Variants in CSNK1G1 observed in about 807,000 individuals in gnomAD.
CSNK1G1 encodes casein kinase 1 gamma 1, also known as casein kinase I isoform gamma-1.
CSNK1G1 carries 22 observed loss-of-function variants against 59.6 expected under a neutral mutation model. The ratio of observed to expected loss-of-function variants is 0.37; its 90% CI spans 0.26 to 0.53. The LOEUF (loss-of-function observed/expected upper bound fraction) is 0.53, where lower values mean the gene tolerates loss of function less well. CSNK1G1 is among the 20% of genes least tolerant of loss of function. The pLI, the probability that CSNK1G1 is intolerant of heterozygous loss-of-function variation, is 0.89. For synonymous variants in CSNK1G1, 179 were observed against 177.1 expected (o/e 1.01, Z -0.08); for missense variants, 384 against 519.5 (o/e 0.74, Z 2.54).
intron 4 of CSNK1G1, among the ~76,000 whole-genome samples, chr15:64,223,885 T>C (rs1409833640): frequency 1.3e-5 from 2 of 152,212 alleles, no homozygotes; most frequent in African/African-American, 4.8e-5. Context: ...GTATGAAGTT[T>C]AACTTGAGTC....
intron 4 of CSNK1G1, among the ~76,000 whole-genome samples, chr15:64,241,656 T>C (rs1048170192): frequency 2.0e-5 from 3 of 152,158 alleles, no homozygotes; most frequent in East Asian, 1.9e-4. Flanking sequence ...AGAGGAACTT[T>C]AGAAACTGTA....
chr15:64,346,470 ATTTT>A (rs1202621127), intron 1 of CSNK1G1, among the ~76,000 whole-genome samples: 6 of 131,928 alleles, frequency 4.5e-5, no homozygotes, highest in African/African-American at 8.7e-5. Context: ...TTATTTATTT[ATTTT>A]GAGACATAGG....
chr15:64,333,150 G>A (rs111330921), intron 1 of CSNK1G1, among the ~76,000 whole-genome samples: 6,675 of 151,150 alleles, frequency 0.044, 195 homozygotes, highest in South Asian at 0.084. Flanking sequence ...CCAGCTACTC[G>A]GGAGGCTGAG....
chr15:64,351,761 C>A (rs1268552913), intron 1 of CSNK1G1, among the ~76,000 whole-genome samples: 3 of 152,070 alleles, frequency 2.0e-5, no homozygotes, highest in African/African-American at 7.2e-5. Flanking sequence ...CACCTGTAAT[C>A]CCAGCTAATC....
chr15:64,178,229 A>T (rs2081764528), intron 11 of CSNK1G1, among the ~76,000 whole-genome samples: 1 of 152,142 alleles, frequency 6.6e-6, no homozygotes, highest in South Asian at 2.1e-4. Context: ...AAATCGAAAA[A>T]CTGTGAGTAC....
chr15:64,204,014 G>A (rs1446187334), intron 9 of CSNK1G1, among the ~76,000 whole-genome samples: 2 of 151,866 alleles, frequency 1.3e-5, no homozygotes, highest in Non-Finnish European at 2.9e-5. Flanking sequence ...GTGGTGGTGT[G>A]TGCCTACAAT....
At chr15:64,330,376 C>T (rs1449704020) in intron 1 of CSNK1G1, among the ~76,000 whole-genome samples, 1 of 151,378 alleles carries the variant, frequency 6.6e-6, no homozygotes, top group Admixed American at 6.6e-5. Flanking sequence ...TCAATATACG[C>T]AAAGCAATAA....
chr15:64,296,937 CTT>C (rs960068624), intron 2 of CSNK1G1, among the ~76,000 whole-genome samples: 35 of 89,662 alleles, frequency 3.9e-4, no homozygotes, highest in African/African-American at 1.4e-3. Context: ...ACTATCGTTA[CTT>C]TTTTTTTTTT....
intron 1 of CSNK1G1, among the ~76,000 whole-genome samples, chr15:64,353,812 T>C (rs1293720464): frequency 2.0e-5 from 3 of 151,998 alleles, no homozygotes; most frequent in Non-Finnish European, 2.9e-5. Flanking sequence ...CTGGCCTAAG[T>C]GACAGAGAAA....
chr15:64,238,628 G>GA (rs2082652540), intron 4 of CSNK1G1, among the ~76,000 whole-genome samples: 1 of 148,460 alleles, frequency 6.7e-6, no homozygotes, highest in Non-Finnish European at 1.5e-5. Flanking sequence ...TCAAAAATGG[G>GA]AAAAAAAGAA....
At chr15:64,309,345 CACACACAAAT>C (rs1462690566) in intron 1 of CSNK1G1, among the ~76,000 whole-genome samples, 14 of 95,024 alleles carry the variant, frequency 1.5e-4, no homozygotes, top group African/African-American at 4.6e-4. Context: ...CACACACACA[CACACACAAAT>C]AAATGAGTTC....
At chr15:64,344,764 T>G (rs1304664699) in intron 1 of CSNK1G1, among the ~76,000 whole-genome samples, 1 of 152,192 alleles carries the variant, frequency 6.6e-6, no homozygotes, top group African/African-American at 2.4e-5. Flanking sequence ...TGTACAATCT[T>G]GAGCAAGTCA....
intron 8 of CSNK1G1, 133 bp from the exon 9 acceptor site, chr15:64,204,722 A>G (rs2082154653): frequency 2.5e-6 from 3 of 1,209,112 alleles, no homozygotes; most frequent in African/African-American, 1.5e-5. Context: ...CTGACAAAAT[A>G]AAAGTGATAA....
intron 11 of CSNK1G1, 66 bp from the exon 12 acceptor site, chr15:64,172,051 C>T: frequency 7.0e-7 from 1 of 1,433,150 alleles, no homozygotes; most frequent in South Asian, 1.1e-5. Flanking sequence ...CTTCTGCCTG[C>T]TTCTGCTTAC....
chr15:64,280,106 C>A (rs903618839), intron 2 of CSNK1G1, among the ~76,000 whole-genome samples: 1 of 152,088 alleles, frequency 6.6e-6, no homozygotes, highest in East Asian at 1.9e-4. Context: ...AGCATAAGTT[C>A]TCCTACATTA....
intron 4 of CSNK1G1, among the ~76,000 whole-genome samples, chr15:64,231,456 C>CAT (rs1163160077): frequency 6.8e-6 from 1 of 146,686 alleles, no homozygotes; most frequent in Non-Finnish European, 1.5e-5. Flanking sequence ...TACACACACA[C>CAT]ATATACATAT....
At chr15:64,345,414 T>A (rs183851024) in intron 1 of CSNK1G1, among the ~76,000 whole-genome samples, 1 of 152,248 alleles carries the variant, frequency 6.6e-6, no homozygotes, top group Non-Finnish European at 1.5e-5. Context: ...GAGAGGGTGA[T>A]CAAAATCTGT....
chr15:64,259,336 T>C, intron 2 of CSNK1G1, 95 bp from the exon 3 acceptor site: 1 of 773,320 alleles, frequency 1.3e-6, no homozygotes. Flanking sequence ...AAAGGTTATA[T>C]TCCCAATGCT....
chr15:64,348,237 T>G (rs1898084817), intron 1 of CSNK1G1: 1 of 152,150 alleles, frequency 6.6e-6, no homozygotes, highest in Non-Finnish European at 1.5e-5. Flanking sequence ...ACTGTAATGG[T>G]GGATACGTGT....
Sources: allele counts gnomAD v4.1 joint callset (sites outside exome capture counted in the v4.1 genomes callset), GRCh38; gene constraint gnomAD v4.1.1; transcripts MANE v1.5; gene names NCBI Gene and HGNC (gene_info 2026-07-23, HGNC 2026-07-21).